The following FBXL17 variants were observed in gnomAD, a reference collection of about 807,000 sequenced individuals.
The protein encoded by FBXL17 is F-box/LRR-repeat protein 17.
In FBXL17, 22 loss-of-function variants were observed where a neutral mutation model predicts 66.2. That is an observed-to-expected ratio of 0.33 (90% CI 0.24 to 0.47). The LOEUF is 0.47. FBXL17 is among the 20% of genes least tolerant of loss of function. The pLI is 1.00. For missense variants in FBXL17, 878 were observed against 948.2 expected, an observed-to-expected ratio of 0.93 and a Z score of 0.97; for synonymous variants, 474 against 400.5, an observed-to-expected ratio of 1.18 and a Z score of -2.19.
chr5:108,380,021 T>C (rs1749730517), intron 1 of FBXL17, among the ~76,000 whole-genome samples: 1 of 152,204 alleles, frequency 6.6e-6, no homozygotes, highest in Non-Finnish European at 1.5e-5. Flanking sequence ...ATCTACCCTT[T>C]ACTTTCTGTA....
At chr5:108,124,822 T>G (rs1462029240) in intron 6 of FBXL17, among the ~76,000 whole-genome samples, 5 of 152,078 alleles carry the variant, frequency 3.3e-5, no homozygotes, top group African/African-American at 1.2e-4. Context: ...CGCAGCTCCC[T>G]GAGCAGCATT....
chr5:108,022,109 T>A (rs1009217182), intron 6 of FBXL17, among the ~76,000 whole-genome samples: 1 of 151,952 alleles, frequency 6.6e-6, no homozygotes, highest in African/African-American at 2.4e-5. Flanking sequence ...ATATGTTTTT[T>A]AAAAATTTTT....
Position 108,116,072 on chromosome 5 carries a change from A to G in FBXL17, c.1745+70045T>C, listed in dbSNP as rs1045217856. ...AAAGATCTAACAAAAATTTTGAAAT[A>G]AAGGTGACAGTGAACAAAATCCCCA... On this transcript the variant is annotated intron_variant, in intron 6 of 8. Transcript: ENST00000542267. Among the ~76,000 whole-genome samples the G allele has an allele frequency of 2.0e-5, 3 of 152,230 alleles. No homozygotes were observed. In the East Asian group the frequency reaches 5.8e-4, roughly 29 times the overall value.
At chr5:107,909,569 T>G (rs1252924464) in intron 7 of FBXL17, among the ~76,000 whole-genome samples, 4 of 152,192 alleles carry the variant, frequency 2.6e-5, no homozygotes, top group Admixed American at 2.0e-4. Flanking sequence ...AACTAAAATA[T>G]TTCTTCAGCC....
intron 1 of FBXL17, among the ~76,000 whole-genome samples, chr5:108,375,440 A>C (rs80040610): frequency 0.026 from 3,890 of 152,138 alleles, 153 homozygotes; most frequent in African/African-American, 0.088. Flanking sequence ...CAAATTTTAA[A>C]ATCATGTATA....
chr5:108,269,127 T>C (rs561739107), intron 4 of FBXL17, among the ~76,000 whole-genome samples: 7 of 152,212 alleles, frequency 4.6e-5, no homozygotes, highest in East Asian at 3.9e-4. Context: ...CCATCCTTGC[T>C]AAGAATGTTA....
intron 8 of FBXL17, chr5:107,879,350 A>G (rs1034101644): frequency 2.0e-6 from 2 of 985,412 alleles, no homozygotes; most frequent in South Asian, 9.4e-5. Context: ...GACTATGCCT[A>G]TGGTGGACCC....
At chr5:108,102,849 T>C (rs1438663526) in intron 6 of FBXL17, among the ~76,000 whole-genome samples, 1 of 152,212 alleles carries the variant, frequency 6.6e-6, no homozygotes, top group Non-Finnish European at 1.5e-5. Context: ...ATATATCTTA[T>C]AAGATAGAGA....
intron 8 of FBXL17, among the ~76,000 whole-genome samples, chr5:107,872,381 G>C (rs947131144): frequency 2.6e-5 from 4 of 152,140 alleles, no homozygotes; most frequent in Non-Finnish European, 5.9e-5. Context: ...CCTCTGTCTA[G>C]GTACTTTTTA....
At chr5:108,365,480 G>A (rs1748602208) in intron 2 of FBXL17, among the ~76,000 whole-genome samples, 1 of 152,096 alleles carries the variant, frequency 6.6e-6, no homozygotes, top group Non-Finnish European at 1.5e-5. Context: ...ACATCAAAGT[G>A]CTGAGAAGGT....
intron 7 of FBXL17, among the ~76,000 whole-genome samples, chr5:107,966,665 C>T (rs564685323): frequency 2.6e-5 from 4 of 152,186 alleles, no homozygotes; most frequent in Admixed American, 1.3e-4. Flanking sequence ...CATTCCTTTA[C>T]AAAATTTGTG....
At chr5:108,206,006 T>C (rs527560136) in intron 5 of FBXL17, among the ~76,000 whole-genome samples, 1 of 152,302 alleles carries the variant, frequency 6.6e-6, no homozygotes, top group African/African-American at 2.4e-5. Context: ...CTTTTCTTCA[T>C]GCTAAGATTG....
At chr5:108,331,416 C>T (rs181135783) in intron 4 of FBXL17, among the ~76,000 whole-genome samples, 168 of 152,256 alleles carry the variant, frequency 1.1e-3, no homozygotes, top group Middle Eastern at 6.8e-3. Flanking sequence ...AAATACTAAG[C>T]TATTGACCAA....
intron 6 of FBXL17, among the ~76,000 whole-genome samples, chr5:108,172,455 A>G (rs1419871785): frequency 6.6e-5 from 10 of 152,242 alleles, no homozygotes; most frequent in Admixed American, 1.3e-4. Context: ...ATATAAAAAT[A>G]CAGCCAGAAA....
At chr5:108,180,844 G>C (rs1180817186) in intron 6 of FBXL17, among the ~76,000 whole-genome samples, 1 of 151,906 alleles carries the variant, frequency 6.6e-6, no homozygotes, top group Non-Finnish European at 1.5e-5. Context: ...AGCATGCATG[G>C]TCAACTGTCA....
chr5:108,062,187 C>G (rs182013903), intron 6 of FBXL17, among the ~76,000 whole-genome samples: 77 of 152,090 alleles, frequency 5.1e-4, no homozygotes, highest in African/African-American at 1.8e-3. Flanking sequence ...TTGGGCTCAA[C>G]TGCTTTTATA....
intron 6 of FBXL17, among the ~76,000 whole-genome samples, chr5:108,037,896 T>C (rs969772629): frequency 6.6e-6 from 1 of 152,172 alleles, no homozygotes; most frequent in African/African-American, 2.4e-5. Flanking sequence ...ACCATCTATG[T>C]AGTATCTTGC....
At chr5:107,866,051 A>G (rs1309507618) in intron 8 of FBXL17, among the ~76,000 whole-genome samples, 1 of 151,630 alleles carries the variant, frequency 6.6e-6, no homozygotes, top group Non-Finnish European at 1.5e-5. Context: ...AACTCATAAA[A>G]TATATGTAAT....
chr5:107,927,774 T>A (rs1401457182), intron 7 of FBXL17, among the ~76,000 whole-genome samples: 1 of 152,108 alleles, frequency 6.6e-6, no homozygotes, highest in African/African-American at 2.4e-5. Context: ...AAGTTGACAC[T>A]CAACCAACTC....
Sources: gnomAD v4.1 joint callset for allele counts (sites outside exome capture counted in the v4.1 genomes callset) on GRCh38, gnomAD v4.1.1 for gene constraint, MANE v1.5 for transcripts, NCBI Gene and HGNC (gene_info 2026-07-23, HGNC 2026-07-21) for gene names.